The following DOCK6 variants were observed in gnomAD, a reference collection of about 807,000 sequenced individuals.
DOCK6 encodes the protein dedicator of cytokinesis protein 6.
Under a neutral mutation model 230.3 loss-of-function variants are expected in DOCK6, and 167 were observed. That is an observed-to-expected ratio of 0.73 (90% CI 0.64 to 0.82). The LOEUF (loss-of-function observed/expected upper bound fraction) is 0.82, where lower values mean the gene tolerates loss of function less well. Ranked by LOEUF, DOCK6 falls within the 40% of genes least tolerant of loss-of-function variation. The pLI, the probability that DOCK6 is intolerant of heterozygous loss-of-function variation, is 0.00. For synonymous variants in DOCK6, 1,148 were observed against 1,185.0 expected (o/e 0.97, Z 0.64); for missense variants, 2,598 against 2,825.8 (o/e 0.92, Z 1.83).
At chr19:11,251,270 G>C (rs1441056449) in intron 5 of DOCK6, 184 bp from the exon 6 acceptor site, 5 of 611,764 alleles carry the variant, frequency 8.2e-6, no homozygotes, top group South Asian at 2.2e-5. Flanking sequence ...TGTCTGGAGA[G>C]CCTCCCAACT....
intron 1 of DOCK6, among the ~76,000 whole-genome samples, chr19:11,258,150 G>A (rs1274655928): frequency 6.6e-6 from 1 of 152,130 alleles, no homozygotes; most frequent in African/African-American, 2.4e-5. Context: ...TGAGGCAGGG[G>A]AATACTACCC....
At chr19:11,228,021 T>TC in intron 23 of DOCK6, among the ~76,000 whole-genome samples, 1 of 151,142 alleles carries the variant, frequency 6.6e-6, no homozygotes, top group East Asian at 1.9e-4. Flanking sequence ...CTTTTTTTTT[T>TC]TTTTTTTTTG....
In DOCK6 at chr19:11,236,684, G is replaced by T. The variant is rs775723249; in HGVS notation, c.2161-107C>A. The T allele has an allele frequency of 2.6e-6, 4 of 1,509,656 alleles. No homozygotes were observed. Among genetic ancestry groups the T allele is most frequent in the Non-Finnish European group, 3.6e-6 (4 of 1,111,482 alleles). 93.5% of individuals were successfully genotyped at this position (1,509,656 alleles called of 1,614,324 possible). A position where few individuals can be genotyped will look rare whatever the true frequency, so the allele number is the denominator to read the frequency against. ...GCTGGGTCCAGCTGACCAAAGTCAC[G>T]TCCAAGGCCTGAGGCCAGACCTCCC... On this transcript the variant is annotated intron_variant, in intron 19 of 47. Coordinates refer to ENST00000294618, the MANE Select transcript of DOCK6 (RefSeq NM_020812.4). The surrounding 1 kb of genome is among the most constrained non-coding windows in gnomAD (Gnocchi z 5.2).
chr19:11,203,227 T>G (rs527494792), intron 41 of DOCK6: 1 of 174,268 alleles, frequency 5.7e-6, no homozygotes, highest in African/African-American at 2.4e-5. Context: ...CCTACCACCC[T>G]AAAAACACCA....
rs1184323177 is a variant in DOCK6, at chr19:11,236,363, A to C, written c.2375T>G (p.Ile792Ser). The change falls in exon 20 of 48, where the codon ATC becomes AGC. Residue 792 changes from isoleucine to serine, a missense_variant. Ile to Ser is a moderately radical substitution (Grantham distance 142). Coordinates refer to ENST00000294618, the MANE Select transcript of DOCK6 (RefSeq NM_020812.4). The surrounding 1 kb of genome is among the most constrained non-coding windows in gnomAD (Gnocchi z 5.2). Reference protein sequence around the residue: ...KLVRLVIRPPIISGQIVNLGR... With the variant: ...KLVRLVIRPPSISGQIVNLGR... ...TCGCTTACCAATCTGGCCACTGATG[A>C]TCGGGGGCCTGATGACCAGACGCAC... The C allele has an allele frequency of 6.4e-7, 1 of 1,564,074 alleles. No homozygotes were observed. Among genetic ancestry groups the C allele is most frequent in the South Asian group, 1.2e-5 (1 of 84,920 alleles).
Position 11,215,894 on chromosome 19 carries a change from T to A in DOCK6, c.3928A>T (p.Thr1310Ser). The change falls in exon 31 of 48, where the codon ACA (threonine) becomes TCA (serine). Residue 1310 changes from threonine (T) to serine (S), a missense_variant. Coordinates refer to ENST00000294618, the MANE Select transcript of DOCK6 (RefSeq NM_020812.4). ...TTCATATCCAGAGATTTTTTGAATG[T>A]GAGGCTGTTGATGCGTTCAAAGGCC... The part of the protein sequence containing the change: ...KKAFERINSL[T>S]FKKSLDMKAR... The A allele has an allele frequency of 6.2e-7, 1 of 1,613,870 alleles. No homozygotes were observed. Among genetic ancestry groups the A allele is most frequent in the Non-Finnish European group, 8.5e-7 (1 of 1,179,822 alleles).
rs143616116 is a variant in DOCK6 at position 11,247,720 on chromosome 19, C to T, written c.806+346G>A. ...GGATCCCAGCAGCAGAGCAGGCAAGCGCCAGACTCCAGCCTTACAAGTTGT... is the reference window on the plus strand; with the variant it reads ...GGATCCCAGCAGCAGAGCAGGCAAGTGCCAGACTCCAGCCTTACAAGTTGT... On this transcript the variant is annotated intron_variant, in intron 7 of 47. Coordinates refer to ENST00000294618, the MANE Select transcript of DOCK6 (RefSeq NM_020812.4). The T allele has an allele frequency of 4.1e-3, 780 of 191,324 alleles. 22 individuals are homozygous for T. Among genetic ancestry groups the T allele is most frequent in the Admixed American group, 0.041 (723 of 17,780 alleles). 11.9% of individuals were successfully genotyped at this position (191,324 alleles called of 1,614,324 possible).
rs374251700 is a variant in DOCK6 at position 11,227,416 on chromosome 19, C to T, written c.2876G>A (p.Arg959His). Residue 959 changes from arginine to histidine, a missense_variant, in exon 24 of 48, where the codon CGC becomes CAC. Arg to His is a conservative substitution (Grantham distance 29, BLOSUM62 0). Transcript: ENST00000294618. Reference sequence around the variant, plus strand: ...GTCGTCCAGGAAGCGTCCGGGGAAGCGCAGCTTGCGGGGTGTGTCTAGTCG... The same window carrying T: ...GTCGTCCAGGAAGCGTCCGGGGAAGTGCAGCTTGCGGGGTGTGTCTAGTCG... ...GQRLDTPRKL[R>H]FPGRFLDDIT... 3.7e-5 allele frequency: 59 copies of T among 1,613,152 alleles called. No homozygotes were observed. The African/African-American group carries it at 5.7e-4, about 16-fold the overall frequency.
intron 1 of DOCK6, among the ~76,000 whole-genome samples, chr19:11,257,134 ACAC>A (rs966873284): frequency 5.5e-5 from 8 of 145,992 alleles, no homozygotes; most frequent in African/African-American, 1.8e-4. Flanking sequence ...CAACTGATGC[ACAC>A]CACCATGCTT....
chr19:11,226,647 A>G (rs1366891264), intron 24 of DOCK6, among the ~76,000 whole-genome samples: 1 of 152,232 alleles, frequency 6.6e-6, no homozygotes, highest in Non-Finnish European at 1.5e-5. Context: ...AACAAGAGTG[A>G]AACTCTGTCT....
chr19:11,248,317 T>C (rs1303824567), intron 6 of DOCK6, among the ~76,000 whole-genome samples, 166 bp from the exon 7 acceptor site: 2 of 152,146 alleles, frequency 1.3e-5, no homozygotes, highest in Admixed American at 6.6e-5. Context: ...GGAATGCCCA[T>C]CTTCTCCCAC....
Position 11,237,646 on chromosome 19 carries a change from A to G in DOCK6, c.1966T>C (p.Phe656Leu). The G allele has an allele frequency of 6.3e-7, 1 of 1,596,632 alleles. No homozygotes were observed. The highest frequency in any genetic ancestry group is 1.1e-5 in the South Asian group (1 of 88,264). Residue 656 changes from phenylalanine (F) to leucine (L), a missense_variant, in exon 17 of 48, where the codon TTT becomes CTT. Coordinates refer to ENST00000294618, the MANE Select transcript of DOCK6 (RefSeq NM_020812.4). ...GGAGGGAGGGGACGGCTCACAGTAAAGCCCACGGGTGTCTCCAGGGCAGTG... is the reference window on the plus strand; with the variant it reads ...GGAGGGAGGGGACGGCTCACAGTAAGGCCCACGGGTGTCTCCAGGGCAGTG... ...PGTALETPVG[F>L]TWIPLLQHGR...
intron 22 of DOCK6, among the ~76,000 whole-genome samples, chr19:11,232,694 CTT>C (rs2079785935): frequency 6.6e-6 from 1 of 151,962 alleles, no homozygotes; most frequent in Non-Finnish European, 1.5e-5. Flanking sequence ...TGTATACACA[CTT>C]GTGTCCACAC....
In DOCK6 at chr19:11,245,648, C is replaced by T. The variant is rs1212297106; in HGVS notation, c.938G>A (p.Gly313Asp). ...DSMKGLLRAH[G>D]THPAISTLAR... Reference sequence around the variant, plus strand: ...CAGGGTGGAGATGGCAGGGTGGGTGCCATGAGCCCGAAGCAGCCCCTTCAT... The same window carrying T: ...CAGGGTGGAGATGGCAGGGTGGGTGTCATGAGCCCGAAGCAGCCCCTTCAT... Residue 313 changes from glycine (G) to aspartate (D), a missense_variant, in exon 9 of 48, where the codon GGC becomes GAC. Transcript: ENST00000294618. 1 of 1,607,454 alleles carries T rather than the reference C, an allele frequency of 6.2e-7. No individual in the cohort carries two copies. The highest frequency in any genetic ancestry group is 2.2e-5 in the East Asian group (1 of 44,668).
At chr19:11,225,311 CT>C (rs2147792162) in intron 24 of DOCK6, among the ~76,000 whole-genome samples, 1 of 152,322 alleles carries the variant, frequency 6.6e-6, no homozygotes, top group African/African-American at 2.4e-5. Flanking sequence ...GGATCAGCCC[CT>C]GGGAATGTCA....
intron 7 of DOCK6, among the ~76,000 whole-genome samples, chr19:11,246,946 T>TC (rs977401002): frequency 4.6e-5 from 7 of 151,936 alleles, no homozygotes; most frequent in Admixed American, 3.9e-4. Flanking sequence ...CATGTACACG[T>TC]CCCCCTGCAA....
In DOCK6 at chr19:11,251,518, C is replaced by T. The variant is rs141104643; in HGVS notation, c.508-432G>A. ...AGCTCTGTGACACTGGGTCTCTGAC[C>T]CCCAACTCTAAGGGCCTCAGTTTCC... is the stretch of plus-strand genomic sequence containing the variant. On this transcript the variant is annotated intron_variant, in intron 5 of 47. Transcript: ENST00000294618. 1.9e-3 allele frequency: 304 copies of T among 160,038 alleles called. 1 individual carries two copies. Among genetic ancestry groups the T allele is most frequent in the African/African-American group, 6.9e-3 (288 of 41,720 alleles). The allele number at this position is 160,038 out of a possible 1,614,324, so 9.9% of individuals were successfully genotyped here. A position where few individuals can be genotyped will look rare whatever the true frequency, so the allele number is the denominator to read the frequency against.
intron 1 of DOCK6, 68 bp downstream of exon 1, chr19:11,262,329 G>A: frequency 9.3e-7 from 1 of 1,077,448 alleles, no homozygotes; most frequent in Non-Finnish European, 1.2e-6. Flanking sequence ...GGCGGGGAGG[G>A]TCGCACCGCC....
Position 11,251,065 on chromosome 19 carries a change from C to A in DOCK6, c.529G>T (p.Gly177Cys), listed in dbSNP as rs1008055177. 1 of 1,611,726 alleles carries A rather than the reference C, an allele frequency of 6.2e-7. No individual in the cohort carries two copies. The highest frequency in any genetic ancestry group is 8.5e-7 in the Non-Finnish European group (1 of 1,179,240). Reference protein sequence around the residue: ...EDSNDSRRGSGSPEDTPRSSG... With the variant: ...EDSNDSRRGSCSPEDTPRSSG... ...CTTCGAGGGGTGTCTTCCGGGGAGC[C>A]CGAGCCACGCCGGGAGTCATTCTGC... is the stretch of plus-strand genomic sequence containing the variant. Residue 177 changes from glycine (G) to cysteine (C), a missense_variant, in exon 6 of 48, where the codon GGC (glycine) becomes TGC (cysteine). Gly to Cys is a radical substitution (Grantham distance 159). Transcript: ENST00000294618.
Sources: gnomAD v4.1 joint callset for allele counts (sites outside exome capture counted in the v4.1 genomes callset) on GRCh38, gnomAD v4.1.1 for gene constraint, Gnocchi (gnomAD v3.1) non-coding constraint, MANE v1.5 for transcripts, NCBI Gene and HGNC (gene_info 2026-07-23, HGNC 2026-07-21) for gene names.